The following CCDC146 variants were observed in gnomAD, a reference collection of about 807,000 sequenced individuals.
CCDC146 encodes coiled-coil domain containing 146, also known as coiled-coil domain-containing protein 146.
Under a neutral mutation model 119.3 loss-of-function variants are expected in CCDC146, and 92 were observed. The ratio of observed to expected loss-of-function variants is 0.77; its 90% confidence interval spans 0.65 to 0.92. The LOEUF (loss-of-function observed/expected upper bound fraction) is 0.92. CCDC146 is among the 40% of genes least tolerant of loss of function. The probability of loss-of-function intolerance (pLI) is 0.00; values close to 1 mark genes in which losing one functional copy is unlikely to be tolerated. For synonymous variants in CCDC146, 372 were observed against 371.8 expected, an observed-to-expected ratio of 1.00 and a Z score of -0.01; for missense variants, 1,000 against 1,103.0, an observed-to-expected ratio of 0.91 and a Z score of 1.32.
chr7:77,123,240 GAA>G (rs71085442), intron 1 of CCDC146, among the ~76,000 whole-genome samples: 1 of 140,832 alleles, frequency 7.1e-6, no homozygotes, highest in African/African-American at 2.7e-5. Flanking sequence ...GTTTTAGAGT[GAA>G]AAAAAAAAAG....
chr7:77,149,356 T>A (rs985945767), intron 1 of CCDC146, among the ~76,000 whole-genome samples: 3 of 152,184 alleles, frequency 2.0e-5, no homozygotes, highest in African/African-American at 7.2e-5. Flanking sequence ...GTCAGCTTTT[T>A]AAAAATAGAA....
At chr7:77,264,738 T>G (rs1265310880) in intron 9 of CCDC146, among the ~76,000 whole-genome samples, 1 of 152,236 alleles carries the variant, frequency 6.6e-6, no homozygotes, top group East Asian at 1.9e-4. Context: ...TACTTTTGCT[T>G]TCTCTGTATC....
intron 2 of CCDC146, among the ~76,000 whole-genome samples, chr7:77,207,273 T>G (rs1481634492): frequency 6.6e-6 from 1 of 152,216 alleles, no homozygotes; most frequent in Non-Finnish European, 1.5e-5. Flanking sequence ...GTTTGATATT[T>G]TGTATGATTA....
At chr7:77,214,545 T>C (rs1792261400) in intron 2 of CCDC146, among the ~76,000 whole-genome samples, 1 of 152,150 alleles carries the variant, frequency 6.6e-6, no homozygotes, top group African/African-American at 2.4e-5. Flanking sequence ...AGTTTTCTTT[T>C]AGGATTTATA....
At chr7:77,179,841 C>T (rs929455652) in intron 2 of CCDC146, among the ~76,000 whole-genome samples, 9 of 152,160 alleles carry the variant, frequency 5.9e-5, no homozygotes, top group Non-Finnish European at 8.8e-5. Flanking sequence ...AAATTCTACA[C>T]CCATTAAACA....
At chr7:77,201,528 T>G (rs1791988484) in intron 2 of CCDC146, among the ~76,000 whole-genome samples, 1 of 150,830 alleles carries the variant, frequency 6.6e-6, no homozygotes, top group Admixed American at 6.6e-5. Context: ...CACTCCAGCC[T>G]GGGCAATAAG....
intron 14 of CCDC146, 71 bp from the exon 15 acceptor site, chr7:77,282,486 G>A (rs1334774444): frequency 1.5e-5 from 15 of 1,016,114 alleles, no homozygotes; most frequent in Non-Finnish European, 1.3e-5. Context: ...CAAAGCCAGA[G>A]GGAACCACAA....
At chr7:77,208,853 A>G (rs1305122514) in intron 2 of CCDC146, among the ~76,000 whole-genome samples, 3 of 152,164 alleles carry the variant, frequency 2.0e-5, no homozygotes, top group African/African-American at 4.8e-5. Flanking sequence ...CACTGCAGGC[A>G]TATGCTACCA....
At chr7:77,132,164 G>C (rs28896556) in intron 1 of CCDC146, among the ~76,000 whole-genome samples, 89,861 of 150,420 alleles carry the variant, frequency 0.6, 27,156 homozygotes, top group African/African-American at 0.63. Context: ...AATAATAATA[G>C]CAGTTTTACA....
intron 8 of CCDC146, among the ~76,000 whole-genome samples, chr7:77,260,891 G>T (rs1281609143): frequency 6.6e-6 from 1 of 152,152 alleles, no homozygotes; most frequent in African/African-American, 2.4e-5. Flanking sequence ...GCCTCCCAAA[G>T]TGCTGGGATT....
chr7:77,258,141 A>C (rs1331253366), intron 6 of CCDC146: 1 of 152,288 alleles, frequency 6.6e-6, no homozygotes, highest in East Asian at 1.9e-4. Context: ...CATGAGTTGC[A>C]TCACAGAGGC....
intron 9 of CCDC146, 23 bp from the exon 10 acceptor site, chr7:77,273,671 T>A: frequency 1.3e-6 from 2 of 1,552,112 alleles, no homozygotes; most frequent in Non-Finnish European, 1.8e-6. Flanking sequence ...CATAAATGCA[T>A]GTTTTTAAAT....
chr7:77,186,937 T>C (rs918163834), intron 2 of CCDC146, among the ~76,000 whole-genome samples: 1 of 152,204 alleles, frequency 6.6e-6, no homozygotes, highest in African/African-American at 2.4e-5. Flanking sequence ...GGTTGAAGTA[T>C]GCTGCTGGGA....
intron 9 of CCDC146, among the ~76,000 whole-genome samples, chr7:77,271,068 A>C (rs1016067951): frequency 2.6e-5 from 4 of 151,868 alleles, no homozygotes; most frequent in African/African-American, 9.7e-5. Flanking sequence ...AAAAAAAAAA[A>C]ACAGCATTCT....
At chr7:77,221,706 T>C (rs1221028245) in intron 2 of CCDC146, among the ~76,000 whole-genome samples, 1 of 152,146 alleles carries the variant, frequency 6.6e-6, no homozygotes, top group East Asian at 1.9e-4. Flanking sequence ...GACAGACATA[T>C]GAGCATGATT....
intron 2 of CCDC146, among the ~76,000 whole-genome samples, chr7:77,169,915 C>A (rs1172007743): frequency 6.6e-6 from 1 of 152,100 alleles, no homozygotes. Context: ...TAGCTTCTAG[C>A]CCCTCTCAGT....
intron 4 of CCDC146, among the ~76,000 whole-genome samples, chr7:77,246,779 TTGAC>T (rs1440005852): frequency 2.6e-5 from 4 of 152,328 alleles, no homozygotes; most frequent in Non-Finnish European, 5.9e-5. Context: ...CAGTTTAGCT[TTGAC>T]TGTGTGACTT....
intron 2 of CCDC146, among the ~76,000 whole-genome samples, chr7:77,205,026 A>G (rs1033159818): frequency 1.4e-4 from 22 of 152,178 alleles, no homozygotes; most frequent in African/African-American, 5.1e-4. Context: ...GGCTAAGGAG[A>G]AAGATCGCTT....
At chr7:77,223,877 G>A (rs899301439) in intron 2 of CCDC146, among the ~76,000 whole-genome samples, 10 of 152,160 alleles carry the variant, frequency 6.6e-5, no homozygotes, top group African/African-American at 1.7e-4. Flanking sequence ...AGTGTACAAC[G>A]TGTGAAATAA....
Sources: gnomAD v4.1 joint callset for allele counts (sites outside exome capture counted in the v4.1 genomes callset) on GRCh38, gnomAD v4.1.1 for gene constraint, MANE v1.5 for transcripts, NCBI Gene and HGNC (gene_info 2026-07-23, HGNC 2026-07-21) for gene names.